Variants in UBXN11 observed in about 807,000 individuals in gnomAD.
UBXN11 encodes UBX domain-containing protein 11.
UBXN11 carries 47 observed loss-of-function variants against 62.8 expected under a neutral mutation model. That is an observed-to-expected ratio of 0.75 (90% CI 0.59 to 0.95). The LOEUF is 0.95. UBXN11 is among the 40% of genes least tolerant of loss of function. The pLI, the probability that UBXN11 is intolerant of heterozygous loss-of-function variation, is 0.00. For missense variants in UBXN11, 638 were observed against 661.7 expected (o/e 0.96, Z 0.39); for synonymous variants, 294 against 267.0 (o/e 1.10, Z -0.99).
At position 26,282,370 on chromosome 1, in the gene UBXN11, C is replaced by CGGGACCGGGACA. The variant is rs1557677543; in HGVS notation, c.1491_1492insTGTCCCGGTCCC (p.Pro497_Gly498insCysProGlyPro). The CGGGACCGGGACA allele has an allele frequency of 2.3e-6, 1 of 438,578 alleles. No individual in the cohort carries two copies. The highest frequency in any genetic ancestry group is 3.1e-6 in the Non-Finnish European group (1 of 318,148). The allele number at this position is 438,578 out of a possible 1,614,324, so 27.2% of individuals were successfully genotyped here. ...CCGGGACCGGGACTGGGGCCGGGAC[C>CGGGACCGGGACA]GGGACCGGGACTGGGGCCGGGACCG... On this transcript the variant is annotated inframe_insertion, in exon 15 of 15. Coordinates refer to ENST00000374222, the MANE Select transcript of UBXN11 (RefSeq NM_001389556.1).
chr1:26,303,485 G>C (rs772448698), intron 1 of UBXN11, among the ~76,000 whole-genome samples: 4 of 151,968 alleles, frequency 2.6e-5, no homozygotes, highest in African/African-American at 7.3e-5. Flanking sequence ...TTAGCTGGGC[G>C]TGGTGGCGTG....
At chr1:26,286,179 A>T (rs1317844469) in intron 8 of UBXN11, 142 bp from the exon 9 acceptor site, 5 of 657,296 alleles carry the variant, frequency 7.6e-6, no homozygotes, top group Non-Finnish European at 1.2e-5. Context: ...ACAACGCTAG[A>T]TAATAACAGC....
At chr1:26,290,288 T>C (rs895726367) in intron 8 of UBXN11, among the ~76,000 whole-genome samples, 1 of 152,140 alleles carries the variant, frequency 6.6e-6, no homozygotes, top group African/African-American at 2.4e-5. Flanking sequence ...TCAGTGGCCC[T>C]AGGAGCCCGT....
intron 8 of UBXN11, among the ~76,000 whole-genome samples, chr1:26,290,997 CAG>C (rs1332658723): frequency 1.3e-5 from 2 of 152,272 alleles, no homozygotes; most frequent in Non-Finnish European, 2.9e-5. Context: ...GTGACGCTGG[CAG>C]AGAGAGGGGG....
intron 2 of UBXN11, among the ~76,000 whole-genome samples, chr1:26,302,486 A>G (rs912134295): frequency 2.6e-5 from 4 of 151,888 alleles, no homozygotes; most frequent in African/African-American, 9.7e-5. Context: ...GATTCCCTTT[A>G]CTGAACCCCA....
chr1:26,311,970 G>A (rs1010864727), intron 1 of UBXN11, among the ~76,000 whole-genome samples: 14 of 152,076 alleles, frequency 9.2e-5, no homozygotes, highest in African/African-American at 2.7e-4. Flanking sequence ...CACCTTAGAC[G>A]AAGCCCTCAT....
In UBXN11 at chr1:26,282,415, G is replaced by T; in HGVS notation, c.1447C>A (p.Pro483Thr). 1.9e-6 allele frequency: 3 copies of T among 1,611,154 alleles called. No individual in the cohort carries two copies. Among genetic ancestry groups the T allele is most frequent in the Non-Finnish European group, 2.5e-6 (3 of 1,178,818 alleles). Residue 483 changes from proline (P) to threonine (T), a missense_variant, in exon 15 of 15, where the codon CCT becomes ACT. Coordinates refer to ENST00000374222, the MANE Select transcript of UBXN11 (RefSeq NM_001389556.1). The part of the protein sequence containing the change: ...RAPKSSLKFS[P>T]GPCPGPGPGP... ...GGACCGGGACCGGGACAGGGACCAG[G>T]ACTGAATTTCAGGCTGGACTTCGGG...
chr1:26,282,364 CGGG>C lies in UBXN11; in HGVS notation c.1495_1497del (p.Pro499del), dbSNP rs769968982. Reference sequence around the variant, plus strand: ...CCGGGACCGGGACCGGGACTGGGGCCGGGACCGGGACCGGGACTGGGGCCGGGA... The same window carrying C: ...CCGGGACCGGGACCGGGACTGGGGCCACCGGGACCGGGACTGGGGCCGGGA... On this transcript the variant is annotated inframe_deletion, in exon 15 of 15. Transcript: ENST00000374222. The C allele has an allele frequency of 1.7e-5, 8 of 458,836 alleles. 1 individual carries two copies. In the African/African-American group the frequency reaches 1.9e-4, roughly 11 times the overall value. 28.4% of individuals were successfully genotyped at this position (458,836 alleles called of 1,614,324 possible).
chr1:26,300,148 G>A (rs560905468), intron 4 of UBXN11, among the ~76,000 whole-genome samples: 1 of 152,286 alleles, frequency 6.6e-6, no homozygotes, highest in African/African-American at 2.4e-5. Flanking sequence ...GGGCCTGAGG[G>A]AGAATCATCA....
upstream of UBXN11, among the ~76,000 whole-genome samples, chr1:26,309,082 G>A (rs926096931): frequency 8.6e-5 from 13 of 150,912 alleles, no homozygotes; most frequent in Admixed American, 2.0e-4. Context: ...ACAGGCACAC[G>A]CCACCATGCC....
chr1:26,313,277 A>C (rs1038882011), intron 1 of UBXN11, among the ~76,000 whole-genome samples: 15 of 152,166 alleles, frequency 9.9e-5, no homozygotes, highest in African/African-American at 3.6e-4. Flanking sequence ...GACAGTCATC[A>C]AAAGACACTG....
rs745781917 is a variant in UBXN11 at position 26,285,358 on chromosome 1, A to T, written c.852+106T>A. The T allele has an allele frequency of 1.6e-5, 24 of 1,543,614 alleles. No individual in the cohort carries two copies. The African/African-American group carries it at 2.9e-4, about 18-fold the overall frequency. The stretch of plus-strand genomic sequence containing the variant: ...GGAGGGCATCAGACTGGGGTCCCCC[A>T]GGGAGTGCAGCGGCTTCCCCTCAGA... On this transcript the variant is annotated intron_variant, in intron 10 of 14. Transcript: ENST00000374222.
At chr1:26,284,058 G>A in intron 12 of UBXN11, 84 bp downstream of exon 12, 1 of 1,383,170 alleles carries the variant, frequency 7.2e-7, no homozygotes, top group Non-Finnish European at 9.9e-7. Flanking sequence ...TGAGCCTTCT[G>A]ACAAGACACT....
intron 8 of UBXN11, among the ~76,000 whole-genome samples, chr1:26,290,741 T>G (rs2073242005): frequency 6.7e-6 from 1 of 149,216 alleles, no homozygotes; most frequent in African/African-American, 2.5e-5. Flanking sequence ...AGGCAGGGAC[T>G]GACTTGGGTA....
intron 1 of UBXN11, among the ~76,000 whole-genome samples, chr1:26,305,101 T>C (rs755899779): frequency 3.9e-5 from 6 of 152,106 alleles, no homozygotes; most frequent in Non-Finnish European, 7.4e-5. Flanking sequence ...CCTCAATACT[T>C]TTTTTGTTTT....
At position 26,297,005 on chromosome 1, in the gene UBXN11, A is replaced by C. The variant is rs762178763; in HGVS notation, c.356-10T>G. On this transcript the variant is annotated splice_polypyrimidine_tract_variant and intron_variant, in intron 6 of 14. Transcript: ENST00000374222. The stretch of plus-strand genomic sequence containing the variant: ...TGCAGGGTTGCCTCGGCTTCAGGGA[A>C]AGACAGGGACAGGCTTCAGCTGCCC... 6.3e-7 allele frequency: 1 copy of C among 1,597,536 alleles called. No individual in the cohort carries two copies. The highest frequency in any genetic ancestry group is 1.1e-5 in the South Asian group (1 of 88,458).
intron 8 of UBXN11, among the ~76,000 whole-genome samples, chr1:26,287,971 C>G (rs1440989139): frequency 1.3e-5 from 2 of 150,188 alleles, no homozygotes; most frequent in Non-Finnish European, 2.9e-5. Flanking sequence ...GCGGCACAGT[C>G]ATGATACTGC....
intron 1 of UBXN11, among the ~76,000 whole-genome samples, chr1:26,316,249 G>A (rs1200944575): frequency 1.3e-5 from 2 of 150,798 alleles, no homozygotes; most frequent in Non-Finnish European, 1.5e-5. Flanking sequence ...GATTACAGGC[G>A]TAGCCCCTAT....
chr1:26,301,141 G>C, intron 3 of UBXN11, 117 bp from the exon 4 acceptor site: 1 of 1,555,486 alleles, frequency 6.4e-7, no homozygotes, highest in Non-Finnish European at 8.7e-7. Context: ...AGTTTGAGGA[G>C]AGAGAATTCA....
Sources: allele counts gnomAD v4.1 joint callset (sites outside exome capture counted in the v4.1 genomes callset), GRCh38; gene constraint gnomAD v4.1.1; transcripts MANE v1.5; gene names NCBI Gene and HGNC (gene_info 2026-07-23, HGNC 2026-07-21).